GABRB1: variants seen among roughly 807,000 people sequenced by gnomAD.
GABRB1 encodes the protein gamma-aminobutyric acid type A receptor subunit beta1, also known as gamma-aminobutyric acid receptor subunit beta-1.
In GABRB1, 17 loss-of-function variants were observed where a neutral mutation model predicts 51.6. The ratio of observed to expected loss-of-function variants is 0.33; its 90% CI spans 0.23 to 0.49. The LOEUF is 0.49. Among genes scored for constraint, GABRB1 ranks in the 20% least tolerant of loss-of-function variants. The pLI is 0.99. For synonymous variants in GABRB1, 247 were observed against 218.9 expected (o/e 1.13, Z -1.14); for missense variants, 410 against 600.6 (o/e 0.68, Z 3.32).
At chr4:47,060,202 T>C (rs1275162261) in intron 3 of GABRB1, among the ~76,000 whole-genome samples, 1 of 152,196 alleles carries the variant, frequency 6.6e-6, no homozygotes, top group Non-Finnish European at 1.5e-5. Flanking sequence ...GTGAACTTTC[T>C]GACATGTGCT....
intron 5 of GABRB1, among the ~76,000 whole-genome samples, chr4:47,380,461 T>C (rs766772770): frequency 6.6e-6 from 1 of 152,152 alleles, no homozygotes; most frequent in Non-Finnish European, 1.5e-5. Flanking sequence ...GCAATCTAGA[T>C]AAGGGATAAG....
At chr4:47,227,148 C>G (rs1417974116) in intron 4 of GABRB1, among the ~76,000 whole-genome samples, 1 of 152,124 alleles carries the variant, frequency 6.6e-6, no homozygotes, top group African/African-American at 2.4e-5. Flanking sequence ...ATTTCTCGAT[C>G]CAGTTAAATC....
chr4:47,123,840 TTA>T (rs1278681046), intron 3 of GABRB1, among the ~76,000 whole-genome samples: 5 of 88,210 alleles, frequency 5.7e-5, no homozygotes, highest in African/African-American at 9.1e-5. Flanking sequence ...ATATATTATA[TTA>T]TATATATTAT....
intron 4 of GABRB1, among the ~76,000 whole-genome samples, chr4:47,219,821 C>T (rs767353656): frequency 7.9e-5 from 12 of 151,990 alleles, no homozygotes; most frequent in Non-Finnish European, 1.5e-4. Context: ...TCTTTACTTC[C>T]TGATCCTACT....
chr4:47,172,681 G>C (rs1042480735), intron 4 of GABRB1, among the ~76,000 whole-genome samples: 1 of 108,438 alleles, frequency 9.2e-6, no homozygotes, highest in Non-Finnish European at 1.7e-5. Flanking sequence ...TTCCTATGTC[G>C]CCCAGGCTGA....
chr4:47,021,265 A>G (rs1268860170), intron 1 of GABRB1, among the ~76,000 whole-genome samples: 1 of 152,180 alleles, frequency 6.6e-6, no homozygotes, highest in African/African-American at 2.4e-5. Flanking sequence ...TTCAACAAGC[A>G]TTTATTGCAT....
intron 3 of GABRB1, among the ~76,000 whole-genome samples, chr4:47,083,435 C>T (rs1727935258): frequency 6.6e-6 from 1 of 152,124 alleles, no homozygotes; most frequent in African/African-American, 2.4e-5. Context: ...TACAGATTTT[C>T]ATGTCCAATT....
At chr4:47,277,380 C>A (rs1376611385) in intron 4 of GABRB1, among the ~76,000 whole-genome samples, 1 of 151,726 alleles carries the variant, frequency 6.6e-6, no homozygotes, top group East Asian at 1.9e-4. Flanking sequence ...TAGTGAGGGG[C>A]TGGGGGAGGC....
intron 4 of GABRB1, among the ~76,000 whole-genome samples, chr4:47,272,921 AG>A (rs1445991788): frequency 6.6e-6 from 1 of 152,182 alleles, no homozygotes; most frequent in Non-Finnish European, 1.5e-5. Context: ...GCCAAGAAGC[AG>A]GGCAGGAGTA....
intron 5 of GABRB1, among the ~76,000 whole-genome samples, chr4:47,364,368 GA>G (rs1034722411): frequency 2.1e-4 from 32 of 151,510 alleles, no homozygotes; most frequent in African/African-American, 4.4e-4. Context: ...ACAAAATAAA[GA>G]AAAAAAGATC....
chr4:47,196,473 G>A (rs183656726), intron 4 of GABRB1, among the ~76,000 whole-genome samples: 48 of 152,230 alleles, frequency 3.2e-4, no homozygotes, highest in African/African-American at 1.1e-3. Flanking sequence ...CAGCATGGAC[G>A]GCCCTTGTAG....
At chr4:47,152,357 A>G (rs1217381600) in intron 3 of GABRB1, among the ~76,000 whole-genome samples, 1 of 152,012 alleles carries the variant, frequency 6.6e-6, no homozygotes, top group Non-Finnish European at 1.5e-5. Context: ...GCCCTGAAAG[A>G]TAAACTTTGC....
rs368770953 is a variant in GABRB1 at position 47,326,390 on chromosome 4, T to C, written c.544+6181T>C. ...AGGGTGAGGACAGTACAATAAGATA[T>C]TTTGAGTGAGAGAGATCACATTCAT... On this transcript the variant is annotated intron_variant, in intron 5 of 8. Coordinates refer to ENST00000295454, the MANE Select transcript of GABRB1 (RefSeq NM_000812.4). Among the ~76,000 whole-genome samples, 4 of 152,184 alleles carry C rather than the reference T, an allele frequency of 2.6e-5. No individual in the cohort carries two copies. The East Asian group carries it at 7.7e-4, about 29-fold the overall frequency.
At position 47,112,888 on chromosome 4, in the gene GABRB1, G is replaced by A. The variant is rs1206113695; in HGVS notation, c.241-48361G>A. On this transcript the variant is annotated intron_variant, in intron 3 of 8. Coordinates refer to ENST00000295454, the MANE Select transcript of GABRB1 (RefSeq NM_000812.4). ...ATAATTATAAAATTATCTTCTCTAA[G>A]CTAAAAAGAAACCCTATCTCTAAAT... Among the ~76,000 whole-genome samples, 10 of 152,170 alleles carry A rather than the reference G, an allele frequency of 6.6e-5. No homozygotes were observed. In the East Asian group the frequency reaches 1.9e-3, roughly 29 times the overall value.
intron 3 of GABRB1, among the ~76,000 whole-genome samples, chr4:47,150,557 G>A (rs1717395189): frequency 6.6e-6 from 1 of 151,350 alleles, no homozygotes; most frequent in Admixed American, 6.6e-5. Context: ...CATTTAATTG[G>A]AGAATTTCTG....
intron 5 of GABRB1, among the ~76,000 whole-genome samples, chr4:47,326,656 T>C (rs1300077673): frequency 6.6e-6 from 1 of 152,166 alleles, no homozygotes; most frequent in Non-Finnish European, 1.5e-5. Context: ...AGCCCTGAGA[T>C]CTACCTTGCC....
chr4:47,302,634 A>G (rs1724302311), intron 4 of GABRB1, among the ~76,000 whole-genome samples: 1 of 152,020 alleles, frequency 6.6e-6, no homozygotes, highest in Non-Finnish European at 1.5e-5. Context: ...ATTAACAATT[A>G]GGTCTAAAAA....
At chr4:47,344,565 G>A (rs895298611) in intron 5 of GABRB1, among the ~76,000 whole-genome samples, 2 of 152,028 alleles carry the variant, frequency 1.3e-5, no homozygotes, top group Non-Finnish European at 2.9e-5. Context: ...TTTTTTACAT[G>A]ACCACCTATT....
intron 3 of GABRB1, among the ~76,000 whole-genome samples, chr4:47,073,259 TA>T (rs1380412983): frequency 1.3e-5 from 2 of 152,186 alleles, no homozygotes; most frequent in African/African-American, 4.8e-5. Context: ...TGTCTGGACA[TA>T]TTTAGAGCTC....
Sources: allele counts gnomAD v4.1 joint callset (sites outside exome capture counted in the v4.1 genomes callset), GRCh38; gene constraint gnomAD v4.1.1; transcripts MANE v1.5; gene names NCBI Gene and HGNC (gene_info 2026-07-23, HGNC 2026-07-21).